Variants in EEA1 observed in about 807,000 individuals in gnomAD.
EEA1 encodes early endosome antigen 1, 162kD.
In EEA1, 111 loss-of-function variants were observed where a neutral mutation model predicts 209.2. That is an observed-to-expected ratio of 0.53 (90% confidence interval 0.45 to 0.62). The LOEUF is 0.62. Among genes scored for constraint, EEA1 ranks in the 20% least tolerant of loss-of-function variants. EEA1 has a pLI of 0.00. For synonymous variants in EEA1, 536 were observed against 540.6 expected (o/e 0.99, Z 0.12); for missense variants, 1,343 against 1,530.8 (o/e 0.88, Z 2.05).
At chr12:92,908,729 C>T (rs1207293989) in intron 1 of EEA1, among the ~76,000 whole-genome samples, 1 of 151,982 alleles carries the variant, frequency 6.6e-6, no homozygotes, top group African/African-American at 2.4e-5. Flanking sequence ...ATGTTAAGAA[C>T]CAAGATATTC....
intron 2 of EEA1, among the ~76,000 whole-genome samples, chr12:92,870,107 A>C (rs978885413): frequency 1.1e-4 from 16 of 152,090 alleles, no homozygotes; most frequent in African/African-American, 3.6e-4. Flanking sequence ...CTATCATAGA[A>C]ACCTCCTGGG....
intron 10 of EEA1, among the ~76,000 whole-genome samples, chr12:92,838,480 A>G (rs1877023765): frequency 6.6e-6 from 1 of 152,234 alleles, no homozygotes; most frequent in Admixed American, 6.5e-5. Flanking sequence ...TAAATTATGT[A>G]GAAGTTTTCT....
chr12:92,922,421 G>C (rs901762061), intron 1 of EEA1, among the ~76,000 whole-genome samples: 4 of 152,080 alleles, frequency 2.6e-5, no homozygotes, highest in Non-Finnish European at 5.9e-5. Context: ...CTAGACTGAG[G>C]GCCAGAGGTC....
At chr12:92,805,063 T>C (rs917936890) in intron 18 of EEA1, among the ~76,000 whole-genome samples, 1 of 152,156 alleles carries the variant, frequency 6.6e-6, no homozygotes, top group Non-Finnish European at 1.5e-5. Context: ...TCCACTTCCA[T>C]TGGGCCCATT....
chr12:92,790,264 A>G (rs566343999), intron 21 of EEA1, among the ~76,000 whole-genome samples: 42 of 152,344 alleles, frequency 2.8e-4, no homozygotes, highest in African/African-American at 9.1e-4. Flanking sequence ...AACAGAACAA[A>G]GCTGGATGGA....
At chr12:92,823,593 C>G (rs1167939266) in intron 13 of EEA1, among the ~76,000 whole-genome samples, 2 of 152,210 alleles carry the variant, frequency 1.3e-5, no homozygotes, top group African/African-American at 4.8e-5. Context: ...TATACAGATA[C>G]ACACCTAGAA....
Position 92,809,116 on chromosome 12 carries a change from T to C in EEA1, c.2240A>G (p.Glu747Gly). 1 of 1,601,480 alleles carries C rather than the reference T, an allele frequency of 6.2e-7. No individual in the cohort carries two copies. Among genetic ancestry groups the C allele is most frequent in the Non-Finnish European group, 8.5e-7 (1 of 1,173,474 alleles). The stretch of plus-strand genomic sequence containing the variant: ...CTGTTGTAGATCTTGCAAAGCCTGC[T>C]CCTTGCTTGCTTTAACTTCAAGACT... ...ADSLEVKASK[E>G]QALQDLQQQR... Residue 747 changes from glutamate to glycine, a missense_variant, in exon 18 of 29, where the codon GAG becomes GGG. Transcript: ENST00000322349.
At chr12:92,867,127 T>C (rs779362646) in intron 2 of EEA1, among the ~76,000 whole-genome samples, 4 of 152,210 alleles carry the variant, frequency 2.6e-5, no homozygotes, top group African/African-American at 4.8e-5. Context: ...CAATATGGCA[T>C]ACAAGGTTCT....
At chr12:92,917,782 T>C (rs1880835892) in intron 1 of EEA1, among the ~76,000 whole-genome samples, 1 of 96,240 alleles carries the variant, frequency 1.0e-5, no homozygotes, top group Non-Finnish European at 2.1e-5. Flanking sequence ...ATGCTCCAAT[T>C]AAAAGACACA....
intron 2 of EEA1, among the ~76,000 whole-genome samples, chr12:92,885,860 T>C (rs1016511304): frequency 6.6e-6 from 1 of 152,174 alleles, no homozygotes; most frequent in African/African-American, 2.4e-5. Context: ...TAATAACATA[T>C]ATGTAATACA....
chr12:92,821,783 T>A (rs1208997232), intron 13 of EEA1, among the ~76,000 whole-genome samples: 1 of 151,220 alleles, frequency 6.6e-6, no homozygotes, highest in African/African-American at 2.4e-5. Context: ...GAATGATCAA[T>A]CTTTATTTTC....
chr12:92,821,736 C>T (rs1876061118), intron 13 of EEA1, among the ~76,000 whole-genome samples: 1 of 151,714 alleles, frequency 6.6e-6, no homozygotes. Flanking sequence ...TCAGCTCTTA[C>T]TATCTCCAAC....
intron 1 of EEA1, among the ~76,000 whole-genome samples, chr12:92,891,933 A>G (rs1404369003): frequency 6.6e-6 from 1 of 152,234 alleles, no homozygotes; most frequent in East Asian, 1.9e-4. Context: ...CACTTTAAAC[A>G]AAATGTATAC....
At chr12:92,803,050 C>A (rs1592710122) in intron 18 of EEA1, among the ~76,000 whole-genome samples, 1 of 152,066 alleles carries the variant, frequency 6.6e-6, no homozygotes, top group East Asian at 1.9e-4. Context: ...TATCACAGAC[C>A]CTCTACTCTA....
intron 2 of EEA1, among the ~76,000 whole-genome samples, chr12:92,876,148 T>C (rs1469700627): frequency 1.3e-5 from 2 of 152,192 alleles, no homozygotes; most frequent in African/African-American, 2.4e-5. Flanking sequence ...CATGATTAAC[T>C]TGCGGCCTCG....
Position 92,929,086 on chromosome 12 carries a change from G to C in EEA1, c.-20C>G. On this transcript the variant is annotated 5_prime_UTR_variant, in exon 1 of 29. Coordinates refer to ENST00000322349, the MANE Select transcript of EEA1 (RefSeq NM_003566.4). Reference sequence around the variant, plus strand: ...TAACATGGTTTAACCACCACCCGGCGCCGCCGCGGTGACTCTCCAGACCCT... The same window carrying C: ...TAACATGGTTTAACCACCACCCGGCCCCGCCGCGGTGACTCTCCAGACCCT... 1 of 1,586,634 alleles carries C rather than the reference G, an allele frequency of 6.3e-7. No homozygotes were observed. Among genetic ancestry groups the C allele is most frequent in the Non-Finnish European group, 8.6e-7 (1 of 1,167,418 alleles).
Position 92,771,900 on chromosome 12 carries a change from C to T in EEA1, c.*4111G>A, listed in dbSNP as rs1432249392. ...GACTAAATTAACAAAATATATAAAA[C>T]AGCTCAAGAATATGCTGTACATAAA... On this transcript the variant is annotated 3_prime_UTR_variant, in exon 29 of 29. Transcript: ENST00000322349. The T allele has an allele frequency of 1.3e-5, 2 of 151,992 alleles. No homozygotes were observed. Among genetic ancestry groups the T allele is most frequent in the Non-Finnish European group, 2.9e-5 (2 of 67,924 alleles). The allele number at this position is 151,992 out of a possible 1,614,324, so 9.4% of individuals were successfully genotyped here. A position where few individuals can be genotyped will look rare whatever the true frequency, so the allele number is the denominator to read the frequency against.
chr12:92,864,345 T>C (rs1172030046), intron 3 of EEA1, among the ~76,000 whole-genome samples: 1 of 152,184 alleles, frequency 6.6e-6, no homozygotes, highest in Non-Finnish European at 1.5e-5. Flanking sequence ...AATGCAAAGT[T>C]ATACCATTGA....
At chr12:92,856,611 A>T (rs554233353) in intron 5 of EEA1, among the ~76,000 whole-genome samples, 1 of 152,108 alleles carries the variant, frequency 6.6e-6, no homozygotes, top group South Asian at 2.1e-4. Context: ...TTTCCCTACC[A>T]ATATACACTT....
Sources: gnomAD v4.1 joint callset for allele counts (sites outside exome capture counted in the v4.1 genomes callset) on GRCh38, gnomAD v4.1.1 for gene constraint, MANE v1.5 for transcripts, NCBI Gene and HGNC (gene_info 2026-07-23, HGNC 2026-07-21) for gene names.